The following CCDC150 variants were observed in gnomAD, a reference collection of about 807,000 sequenced individuals.
CCDC150 encodes coiled-coil domain-containing protein 150.
CCDC150 carries 151 observed loss-of-function variants against 156.5 expected under a neutral mutation model. That is an observed-to-expected ratio of 0.97 (90% CI 0.85 to 1.10). CCDC150 has a LOEUF of 1.10. Among genes scored for constraint, CCDC150 ranks in the 50% least tolerant of loss-of-function variants. The probability of loss-of-function intolerance (pLI) is 0.00; values close to 1 mark genes in which losing one functional copy is unlikely to be tolerated. For synonymous variants in CCDC150, 452 were observed against 429.4 expected (o/e 1.05, Z -0.65); for missense variants, 1,312 against 1,268.1 (o/e 1.03, Z -0.53).
At chr2:196,731,188 T>C (rs1365412175) in intron 26 of CCDC150, among the ~76,000 whole-genome samples, 5 of 152,166 alleles carry the variant, frequency 3.3e-5, no homozygotes, top group African/African-American at 1.2e-4. Flanking sequence ...GAAGTCCAAA[T>C]CTCCCTATTA....
chr2:196,676,371 T>C, intron 11 of CCDC150, 104 bp downstream of exon 11: 2 of 1,462,356 alleles, frequency 1.4e-6, no homozygotes, highest in East Asian at 4.6e-5. Flanking sequence ...CATTTGATTC[T>C]GCATTTTTTG....
rs1694534652 is a variant in CCDC150 at position 196,676,840 on chromosome 2, G to T, written c.1440+109G>T. 1.1e-5 allele frequency: 11 copies of T among 998,076 alleles called. No homozygotes were observed. The South Asian group carries it at 1.8e-4, about 16-fold the overall frequency. 61.8% of individuals were successfully genotyped at this position (998,076 alleles called of 1,614,324 possible). On this transcript the variant is annotated intron_variant, in intron 12 of 27. Coordinates refer to ENST00000389175, the MANE Select transcript of CCDC150 (RefSeq NM_001080539.2). Reference sequence around the variant, plus strand: ...AAGAAATAAAACCCAGATGCAGTTTGTCTGAGTTGCCCAGTAAAGAATCTT... The same window carrying T: ...AAGAAATAAAACCCAGATGCAGTTTTTCTGAGTTGCCCAGTAAAGAATCTT...
At chr2:196,708,786 T>G (rs989758592) in intron 15 of CCDC150, among the ~76,000 whole-genome samples, 5 of 152,334 alleles carry the variant, frequency 3.3e-5, no homozygotes, top group Middle Eastern at 3.4e-3. Flanking sequence ...AGCTGGATAT[T>G]AAATTCTGGG....
chr2:196,694,635 G>A (rs1456087380), intron 13 of CCDC150, among the ~76,000 whole-genome samples: 7 of 152,022 alleles, frequency 4.6e-5, no homozygotes, highest in South Asian at 2.1e-4. Flanking sequence ...GGGCTGAGGC[G>A]GGCAGATCAC....
At chr2:196,707,907 AG>A (rs1696782812) in intron 15 of CCDC150, among the ~76,000 whole-genome samples, 1 of 152,124 alleles carries the variant, frequency 6.6e-6, no homozygotes, top group Non-Finnish European at 1.5e-5. Flanking sequence ...ACATTTGCTG[AG>A]GAGTGCTTTA....
chr2:196,709,834 G>A (rs772119722), intron 15 of CCDC150, among the ~76,000 whole-genome samples: 3 of 152,176 alleles, frequency 2.0e-5, no homozygotes, highest in Non-Finnish European at 2.9e-5. Context: ...TATCACCACC[G>A]GAGGCTGCAG....
chr2:196,682,820 C>G (rs746358098), intron 13 of CCDC150, among the ~76,000 whole-genome samples: 5 of 152,056 alleles, frequency 3.3e-5, no homozygotes, highest in Non-Finnish European at 5.9e-5. Flanking sequence ...ATAGTGTCAT[C>G]ACTATAACTA....
At chr2:196,713,598 A>C in intron 17 of CCDC150, 1 of 1,527,882 alleles carries the variant, frequency 6.5e-7, no homozygotes. Flanking sequence ...AAAACCATGG[A>C]GGGAAGACTG....
chr2:196,705,925 G>T (rs901684168), intron 15 of CCDC150, among the ~76,000 whole-genome samples: 2 of 152,118 alleles, frequency 1.3e-5, no homozygotes, highest in South Asian at 4.1e-4. Context: ...CTGTTTTGGT[G>T]CCAGTACCAT....
chr2:196,677,296 A>G lies in CCDC150; in HGVS notation c.1444A>G (p.Asn482Asp), dbSNP rs772616923. Residue 482 changes from asparagine to aspartate, a missense_variant, in exon 13 of 28, where the codon AAT (asparagine) becomes GAT (aspartate). Transcript: ENST00000389175. ...EEKERFQREVNKTEKEIVQER... is the reference protein window; with the variant it reads ...EEKERFQREVDKTEKEIVQER... ...TTTTCCCATCCTCCTTGGGCAGGTT[A>G]ATAAAACAGAAAAAGAAATAGTGCA... The G allele has an allele frequency of 2.6e-6, 4 of 1,565,658 alleles. No homozygotes were observed. The East Asian group carries it at 9.4e-5, about 37-fold the overall frequency.
intron 7 of CCDC150, chr2:196,667,934 G>A (rs1350562234): frequency 6.6e-6 from 1 of 152,166 alleles, no homozygotes; most frequent in Admixed American, 6.5e-5. Context: ...ATTTTATGGT[G>A]CTGCCACATT....
intron 2 of CCDC150, among the ~76,000 whole-genome samples, chr2:196,650,934 A>G (rs1692837297): frequency 6.6e-6 from 1 of 152,060 alleles, no homozygotes. Context: ...GATAGGAGGA[A>G]ACTTTTTGTT....
chr2:196,713,432 A>G (rs1697272374), intron 17 of CCDC150: 2 of 1,550,324 alleles, frequency 1.3e-6, no homozygotes, highest in Non-Finnish European at 1.7e-6. Context: ...GTCCCATGTA[A>G]ACAGTATAAA....
chr2:196,685,903 C>T (rs1480647896), intron 13 of CCDC150, among the ~76,000 whole-genome samples: 2 of 152,022 alleles, frequency 1.3e-5, no homozygotes, highest in Non-Finnish European at 2.9e-5. Context: ...TGTGAGCCAC[C>T]GCGCCCAGCC....
At chr2:196,723,106 T>C (rs1297258293) in intron 21 of CCDC150, among the ~76,000 whole-genome samples, 1 of 152,214 alleles carries the variant, frequency 6.6e-6, no homozygotes, top group Non-Finnish European at 1.5e-5. Context: ...AGAGCAGGTT[T>C]TGGAGAACTT....
intron 22 of CCDC150, among the ~76,000 whole-genome samples, chr2:196,728,873 G>C (rs1398661647): frequency 6.6e-6 from 1 of 152,138 alleles, no homozygotes; most frequent in Non-Finnish European, 1.5e-5. Context: ...GTAGTTAATT[G>C]CTCCAGATCA....
chr2:196,725,132 A>G (rs1001811062), intron 21 of CCDC150, among the ~76,000 whole-genome samples: 1 of 152,190 alleles, frequency 6.6e-6, no homozygotes, highest in Admixed American at 6.6e-5. Flanking sequence ...AAATAAGAGC[A>G]AGAGATGGTC....
chr2:196,661,067 T>C (rs1693529382), intron 5 of CCDC150, among the ~76,000 whole-genome samples: 1 of 152,206 alleles, frequency 6.6e-6, no homozygotes, highest in African/African-American at 2.4e-5. Context: ...CCTTTCTCCT[T>C]TGGATTGCCA....
Position 196,682,687 on chromosome 2 carries a change from A to G in CCDC150, c.1509+5326A>G, listed in dbSNP as rs144640785. On this transcript the variant is annotated intron_variant, in intron 13 of 27. Coordinates refer to ENST00000389175, the MANE Select transcript of CCDC150 (RefSeq NM_001080539.2). ...ATACAGCAGGTCCTTGAATAACATC[A>G]TTTCATTCAGTGTTGTGTTATGATG... is the stretch of plus-strand genomic sequence containing the variant. Among the ~76,000 whole-genome samples the G allele has an allele frequency of 7.4e-4, 113 of 152,108 alleles. 2 individuals carry two copies. The East Asian group carries it at 0.016, about 21-fold the overall frequency.
Sources: gnomAD v4.1 joint callset for allele counts (sites outside exome capture counted in the v4.1 genomes callset) on GRCh38, gnomAD v4.1.1 for gene constraint, MANE v1.5 for transcripts, NCBI Gene and HGNC (gene_info 2026-07-23, HGNC 2026-07-21) for gene names.